ARHGAP10: variants seen among roughly 807,000 people sequenced by gnomAD.
ARHGAP10 encodes rho GTPase-activating protein 10.
A neutral mutation model predicts 108.6 loss-of-function variants in ARHGAP10; 87 were observed. That is an observed-to-expected ratio of 0.80 (90% CI 0.67 to 0.96). The LOEUF (loss-of-function observed/expected upper bound fraction) is 0.96, where lower values mean the gene tolerates loss of function less well. Ranked by LOEUF, ARHGAP10 falls within the 40% of genes least tolerant of loss-of-function variation. The probability of loss-of-function intolerance (pLI) is 0.00; values close to 1 mark genes in which losing one functional copy is unlikely to be tolerated. For missense variants in ARHGAP10, 939 were observed against 954.5 expected, an observed-to-expected ratio of 0.98 and a Z score of 0.21; for synonymous variants, 347 against 341.1, an observed-to-expected ratio of 1.02 and a Z score of -0.19.
At chr4:147,849,240 T>A (rs1235566621) in intron 4 of ARHGAP10, among the ~76,000 whole-genome samples, 2 of 151,826 alleles carry the variant, frequency 1.3e-5, no homozygotes, top group African/African-American at 4.9e-5. Context: ...ACTCTGCTTT[T>A]TTTTTTTTTT....
At chr4:147,895,454 T>C (rs1375901933) in intron 10 of ARHGAP10, among the ~76,000 whole-genome samples, 1 of 149,434 alleles carries the variant, frequency 6.7e-6, no homozygotes, top group Non-Finnish European at 1.5e-5. Flanking sequence ...GGAAGATCAC[T>C]TGAGCTCAGG....
intron 4 of ARHGAP10, among the ~76,000 whole-genome samples, chr4:147,850,776 C>T (rs976586125): frequency 3.9e-5 from 6 of 152,168 alleles, no homozygotes; most frequent in Admixed American, 6.5e-5. Context: ...TGATGCATCA[C>T]GTCAAGAGTT....
intron 13 of ARHGAP10, among the ~76,000 whole-genome samples, chr4:147,920,900 C>G (rs1737207629): frequency 6.6e-6 from 1 of 152,112 alleles, no homozygotes; most frequent in Non-Finnish European, 1.5e-5. Flanking sequence ...AAAAGACAAA[C>G]TTGGTTGTGA....
At chr4:147,769,408 T>C (rs1338723908) in intron 1 of ARHGAP10, among the ~76,000 whole-genome samples, 1 of 152,236 alleles carries the variant, frequency 6.6e-6, no homozygotes, top group Non-Finnish European at 1.5e-5. Context: ...GGTTTTCATG[T>C]TTCTCTGTTC....
chr4:147,959,306 G>A (rs768120456), intron 16 of ARHGAP10, among the ~76,000 whole-genome samples: 2 of 151,898 alleles, frequency 1.3e-5, no homozygotes, highest in Non-Finnish European at 1.5e-5. Flanking sequence ...AAATAGATTA[G>A]GATGGGCTAG....
intron 3 of ARHGAP10, among the ~76,000 whole-genome samples, chr4:147,823,637 G>A (rs1459399038): frequency 1.3e-5 from 2 of 152,020 alleles, no homozygotes; most frequent in Non-Finnish European, 2.9e-5. Context: ...TGTGCCCATG[G>A]TCCCAGCTAC....
intron 21 of ARHGAP10, 134 bp from the exon 22 acceptor site, chr4:148,064,282 C>T (rs1393649552): frequency 2.5e-5 from 16 of 640,780 alleles, no homozygotes; most frequent in Admixed American, 1.2e-4. Context: ...TTCACTTCCA[C>T]GTTAATTTCT....
At chr4:147,914,044 C>T (rs1412193596) in intron 13 of ARHGAP10, among the ~76,000 whole-genome samples, 3 of 152,014 alleles carry the variant, frequency 2.0e-5, no homozygotes, top group African/African-American at 7.2e-5. Context: ...CGCGGCTACT[C>T]GGGAGGCTGA....
At chr4:147,934,211 C>A (rs1578706326) in intron 13 of ARHGAP10, among the ~76,000 whole-genome samples, 3 of 152,166 alleles carry the variant, frequency 2.0e-5, no homozygotes, top group Admixed American at 2.0e-4. Context: ...GGCTCAAGGC[C>A]AAAGAGGGCT....
chr4:147,823,208 G>A (rs1334455139), intron 3 of ARHGAP10, among the ~76,000 whole-genome samples: 1 of 152,322 alleles, frequency 6.6e-6, no homozygotes, highest in East Asian at 1.9e-4. Context: ...TGGACAGTAG[G>A]ACTACATCAC....
intron 1 of ARHGAP10, among the ~76,000 whole-genome samples, chr4:147,753,427 T>G (rs1729242988): frequency 6.6e-6 from 1 of 151,474 alleles, no homozygotes; most frequent in East Asian, 1.9e-4. Context: ...CACTACAACC[T>G]CTGCCTCCTG....
chr4:148,039,585 T>C (rs10006246), intron 19 of ARHGAP10, among the ~76,000 whole-genome samples: 20,485 of 151,362 alleles, frequency 0.14, 2,292 homozygotes, highest in African/African-American at 0.31. Flanking sequence ...CAGGTGTGAG[T>C]CACCACACCC....
At chr4:148,063,090 A>G (rs752561120) in intron 20 of ARHGAP10, 58 bp from the exon 21 acceptor site, 27 of 1,587,920 alleles carry the variant, frequency 1.7e-5, no homozygotes, top group Non-Finnish European at 2.2e-5. Flanking sequence ...GATGTTGTGC[A>G]TTTCGTGTTC....
chr4:148,019,665 G>A (rs1401072828), intron 18 of ARHGAP10, among the ~76,000 whole-genome samples: 21 of 151,824 alleles, frequency 1.4e-4, no homozygotes, highest in African/African-American at 4.1e-4. Context: ...CAGGAGAATC[G>A]CTTGAACCCA....
chr4:148,044,314 G>T (rs924565374), intron 19 of ARHGAP10, among the ~76,000 whole-genome samples: 2 of 152,046 alleles, frequency 1.3e-5, no homozygotes, highest in East Asian at 3.9e-4. Flanking sequence ...CCCCAAAGTT[G>T]CTTCTCATTG....
intron 1 of ARHGAP10, among the ~76,000 whole-genome samples, chr4:147,754,783 ATGAAGTCCC>A (rs1157917867): frequency 1.3e-5 from 2 of 152,286 alleles, no homozygotes; most frequent in African/African-American, 4.8e-5. Context: ...TAGAATTATA[ATGAAGTCCC>A]TGAAGAAATA....
At chr4:147,884,820 A>G (rs1182745537) in intron 10 of ARHGAP10, among the ~76,000 whole-genome samples, 1 of 152,188 alleles carries the variant, frequency 6.6e-6, no homozygotes, top group African/African-American at 2.4e-5. Context: ...GAGGCTTGAG[A>G]TGGGGCAACG....
chr4:147,940,058 T>C (rs1738115391), intron 14 of ARHGAP10, among the ~76,000 whole-genome samples, 159 bp downstream of exon 14: 1 of 152,176 alleles, frequency 6.6e-6, no homozygotes, highest in Non-Finnish European at 1.5e-5. Context: ...CCCACAGAAG[T>C]AGATTAGTAT....
chr4:148,063,216 A>T lies in ARHGAP10; in HGVS notation c.2096A>T (p.Asn699Ile), dbSNP rs1012780472. The T allele has an allele frequency of 1.2e-6, 2 of 1,613,806 alleles. No individual in the cohort carries two copies. The highest frequency in any genetic ancestry group is 1.7e-6 in the Non-Finnish European group (2 of 1,179,974). ...CAGTCTCCAACCACAACAAGCTCCAACTCAGCTGTGACACCTCTTTCACCC... is the reference window on the plus strand; with the variant it reads ...CAGTCTCCAACCACAACAAGCTCCATCTCAGCTGTGACACCTCTTTCACCC... ...NPQSPTTTSSNSAVTPLSPGS... is the reference protein window; with the variant it reads ...NPQSPTTTSSISAVTPLSPGS... The change falls in exon 21 of 23, where the codon AAC becomes ATC. Residue 699 changes from asparagine to isoleucine, a missense_variant. By Grantham distance (149) the Asn-to-Ile change is moderately radical (BLOSUM62 -3). Coordinates refer to ENST00000336498, the MANE Select transcript of ARHGAP10 (RefSeq NM_024605.4).
Sources: allele counts gnomAD v4.1 joint callset (sites outside exome capture counted in the v4.1 genomes callset), GRCh38; gene constraint gnomAD v4.1.1; transcripts MANE v1.5; gene names NCBI Gene and HGNC (gene_info 2026-07-23, HGNC 2026-07-21).